The following GABRG2 variants were observed in gnomAD, a reference collection of about 807,000 sequenced individuals.
The protein encoded by GABRG2 is gamma-aminobutyric acid type A receptor subunit gamma2.
GABRG2 carries 16 observed loss-of-function variants against 56.4 expected under a neutral mutation model. The observed-to-expected ratio is 0.28, with a 90% confidence interval of 0.19 to 0.43. The LOEUF (loss-of-function observed/expected upper bound fraction) is 0.43. GABRG2 is among the 20% of genes least tolerant of loss of function. GABRG2 has a pLI of 1.00. For synonymous variants in GABRG2, 208 were observed against 205.5 expected, an observed-to-expected ratio of 1.01 and a Z score of -0.10; for missense variants, 327 against 582.7, an observed-to-expected ratio of 0.56 and a Z score of 4.52.
chr5:162,076,555 C>G (rs934646600), intron 1 of GABRG2, among the ~76,000 whole-genome samples: 1 of 152,150 alleles, frequency 6.6e-6, no homozygotes, highest in Non-Finnish European at 1.5e-5. Flanking sequence ...TCCTGTCATA[C>G]AAGACTCCTT....
chr5:162,135,427 A>T (rs995930632), intron 6 of GABRG2, among the ~76,000 whole-genome samples: 1 of 152,216 alleles, frequency 6.6e-6, no homozygotes, highest in African/African-American at 2.4e-5. Flanking sequence ...TGTCATACAG[A>T]GCTAAAGCAT....
At chr5:162,148,219 T>A (rs186965835) in intron 7 of GABRG2, among the ~76,000 whole-genome samples, 1 of 152,336 alleles carries the variant, frequency 6.6e-6, no homozygotes, top group East Asian at 1.9e-4. Flanking sequence ...GTAATTTCTG[T>A]GTTCAATTCT....
At chr5:162,127,647 A>G (rs1763436312) in intron 6 of GABRG2, among the ~76,000 whole-genome samples, 1 of 151,994 alleles carries the variant, frequency 6.6e-6, no homozygotes, top group Middle Eastern at 3.2e-3. Flanking sequence ...AAACCCCATT[A>G]TTAAATATGT....
intron 1 of GABRG2, among the ~76,000 whole-genome samples, chr5:162,092,018 T>C (rs2113284379): frequency 6.6e-6 from 1 of 152,268 alleles, no homozygotes; most frequent in South Asian, 2.1e-4. Context: ...TATCCTTTTC[T>C]CATGAGTTAT....
chr5:162,149,450 C>T (rs776271619), intron 8 of GABRG2, 137 bp downstream of exon 8: 13 of 781,284 alleles, frequency 1.7e-5, no homozygotes, highest in Admixed American at 1.2e-4. Flanking sequence ...TTAGCCAGGC[C>T]ATAACGATTC....
At chr5:162,112,184 G>T (rs1238834943) in intron 6 of GABRG2, among the ~76,000 whole-genome samples, 2 of 151,918 alleles carry the variant, frequency 1.3e-5, no homozygotes, top group African/African-American at 2.4e-5. Context: ...TGAAAGGTTT[G>T]CATGACTACT....
rs145095997 is a variant in GABRG2 at position 162,080,602 on chromosome 5, G to C, written c.107+12496G>C. 4.0e-4 allele frequency among the ~76,000 whole-genome samples: 61 copies of C among 152,260 alleles called. No homozygotes were observed. The South Asian group carries it at 5.0e-3, about 12-fold the overall frequency. ...GTAAGTAATTTGAATTGCATTCTAG[G>C]TAAGGAGTTTGGATAAGGGGTAAGA... On this transcript the variant is annotated intron_variant, in intron 1 of 9. Coordinates refer to ENST00000639213, the MANE Select transcript of GABRG2 (RefSeq NM_198904.4).
chr5:162,079,645 A>T (rs1047470548), intron 1 of GABRG2, among the ~76,000 whole-genome samples: 2 of 151,946 alleles, frequency 1.3e-5, no homozygotes, highest in African/African-American at 4.8e-5. Flanking sequence ...ATATGATAAT[A>T]TATAACACTG....
Position 162,153,082 on chromosome 5 carries a change from C to T in GABRG2, c.1153-11C>T. Reference sequence around the variant, plus strand: ...CTAACTGATCCCTCTCCTTCCCTACCCTCGTCCCAGGCCCCTACCATTGAT... The same window carrying T: ...CTAACTGATCCCTCTCCTTCCCTACTCTCGTCCCAGGCCCCTACCATTGAT... On this transcript the variant is annotated splice_polypyrimidine_tract_variant and intron_variant, in intron 9 of 9. Transcript: ENST00000639213. The T allele has an allele frequency of 1.2e-6, 2 of 1,613,906 alleles. No individual in the cohort carries two copies. The highest frequency in any genetic ancestry group is 1.1e-5 in the South Asian group (1 of 91,072).
chr5:162,079,756 A>G (rs1156830624), intron 1 of GABRG2, among the ~76,000 whole-genome samples: 2 of 151,984 alleles, frequency 1.3e-5, no homozygotes, highest in Non-Finnish European at 2.9e-5. Context: ...TATATATCTT[A>G]TACTCAAACA....
chr5:162,090,020 C>A (rs1760435675), intron 1 of GABRG2, among the ~76,000 whole-genome samples: 1 of 152,092 alleles, frequency 6.6e-6, no homozygotes, highest in African/African-American at 2.4e-5. Context: ...AGTCTCTATG[C>A]AGTATTTGTT....
At chr5:162,080,877 C>T (rs1166760061) in intron 1 of GABRG2, among the ~76,000 whole-genome samples, 1 of 152,048 alleles carries the variant, frequency 6.6e-6, no homozygotes, top group Non-Finnish European at 1.5e-5. Flanking sequence ...TATTTTATGG[C>T]ATTGTAATGA....
chr5:162,112,408 CAT>C (rs1491468714), intron 6 of GABRG2, among the ~76,000 whole-genome samples: 1 of 77,960 alleles, frequency 1.3e-5, no homozygotes, highest in South Asian at 4.9e-4. Flanking sequence ...ATTTGAAAGA[CAT>C]TTTTTTTTTG....
chr5:162,087,311 T>C (rs1157577173), intron 1 of GABRG2, among the ~76,000 whole-genome samples: 1 of 152,092 alleles, frequency 6.6e-6, no homozygotes, highest in Admixed American at 6.6e-5. Context: ...GGGGAAGCTG[T>C]TTTCATATTT....
rs1760810061 is a variant in GABRG2, at chr5:162,093,992, C to A, written c.259+13C>A. The A allele has an allele frequency of 1.2e-6, 2 of 1,612,722 alleles. No homozygotes were observed. Among genetic ancestry groups the A allele is most frequent in the African/African-American group, 1.3e-5 (1 of 74,830 alleles). On this transcript the variant is annotated intron_variant, in intron 2 of 9. Coordinates refer to ENST00000639213, the MANE Select transcript of GABRG2 (RefSeq NM_198904.4). ...CCTGATATAGGAGGTTTGTTAAAGTCTTTTGCGTTGTGCTATAGATAGGAG... is the reference window on the plus strand; with the variant it reads ...CCTGATATAGGAGGTTTGTTAAAGTATTTTGCGTTGTGCTATAGATAGGAG...
rs147813870 is a variant in GABRG2 at position 162,145,515 on chromosome 5, C to G, written c.922+3199C>G. 6.1e-3 allele frequency among the ~76,000 whole-genome samples: 933 copies of G among 152,278 alleles called. 14 individuals carry two copies. Among genetic ancestry groups the G allele is most frequent in the African/African-American group, 0.021 (874 of 41,550 alleles). ...GTTGAGGAGACAATATAAACCATCC[C>G]TACTCTGCCTCTCACTATTGATGTC... On this transcript the variant is annotated intron_variant, in intron 7 of 9. Transcript: ENST00000639213.
intron 7 of GABRG2, among the ~76,000 whole-genome samples, chr5:162,147,763 A>C (rs572404559): frequency 1.3e-5 from 2 of 152,224 alleles, no homozygotes; most frequent in Non-Finnish European, 2.9e-5. Flanking sequence ...AGAATTGCAC[A>C]TCTTTAAATG....
chr5:162,119,733 A>G (rs549467688), intron 6 of GABRG2, among the ~76,000 whole-genome samples: 4 of 152,272 alleles, frequency 2.6e-5, no homozygotes, highest in East Asian at 3.9e-4. Context: ...GAGCACATCA[A>G]TGCCTACATG....
chr5:162,138,785 T>C (rs555861376), intron 6 of GABRG2, among the ~76,000 whole-genome samples: 3 of 152,282 alleles, frequency 2.0e-5, no homozygotes, highest in East Asian at 3.9e-4. Flanking sequence ...TTACAGATAA[T>C]ATATGCAAAC....
Sources: allele counts gnomAD v4.1 joint callset (sites outside exome capture counted in the v4.1 genomes callset), GRCh38; gene constraint gnomAD v4.1.1; transcripts MANE v1.5; gene names NCBI Gene and HGNC (gene_info 2026-07-23, HGNC 2026-07-21).